Variants in GREM2 observed in about 807,000 individuals in gnomAD.
GREM2 encodes gremlin-2.
In GREM2, 11 loss-of-function variants were observed where a neutral mutation model predicts 14.2. That is an observed-to-expected ratio of 0.78 (90% CI 0.49 to 1.28). GREM2 has a LOEUF of 1.28. Among genes scored for constraint, GREM2 ranks in the 50% most tolerant of loss-of-function variants. The pLI, the probability that GREM2 is intolerant of heterozygous loss-of-function variation, is 0.00. For missense variants in GREM2, 210 were observed against 218.5 expected, an observed-to-expected ratio of 0.96 and a Z score of 0.24; for synonymous variants, 98 against 97.6, an observed-to-expected ratio of 1.00 and a Z score of -0.02.
intron 1 of GREM2, among the ~76,000 whole-genome samples, chr1:240,520,410 G>T (rs577706696): frequency 6.6e-6 from 1 of 152,322 alleles, no homozygotes; most frequent in Admixed American, 6.5e-5. Context: ...ATGGCTGAAT[G>T]AGGCTTTGGG....
intron 1 of GREM2, among the ~76,000 whole-genome samples, chr1:240,585,722 T>C (rs1369450703): frequency 1.0e-5 from 1 of 96,518 alleles, no homozygotes; most frequent in African/African-American, 4.1e-5. Context: ...AGAGAGAGAC[T>C]CCATCTCAAA....
chr1:240,525,394 G>T (rs944430171), intron 1 of GREM2, among the ~76,000 whole-genome samples: 3 of 152,130 alleles, frequency 2.0e-5, no homozygotes, highest in Non-Finnish European at 4.4e-5. Flanking sequence ...AGGGAAATGG[G>T]GAGGGCTCTA....
chr1:240,601,617 G>A (rs906899136), intron 1 of GREM2, among the ~76,000 whole-genome samples: 7 of 151,998 alleles, frequency 4.6e-5, no homozygotes, highest in Non-Finnish European at 8.8e-5. Flanking sequence ...TTAAGATATT[G>A]TGTGTTAGGC....
intron 1 of GREM2, chr1:240,531,632 TA>T (rs1258556914): frequency 1.0e-6 from 1 of 985,030 alleles, no homozygotes; most frequent in East Asian, 1.1e-4. Context: ...CTCTGCCCAT[TA>T]CCTGCAAGGC....
Position 240,542,573 on chromosome 1 carries a change from C to T in GREM2, c.-1-49097G>A, listed in dbSNP as rs1678616135. Among the ~76,000 whole-genome samples, 1 of 151,922 alleles carries T rather than the reference C, an allele frequency of 6.6e-6. No homozygotes were observed. ...GAGGTTGCAGTGAGCCAAGATTGTG[C>T]CCCTGCACTCCAGCCTAGTGACAGA... On this transcript the variant is annotated intron_variant, in intron 1 of 1. Transcript: ENST00000318160. This position sits in a 1 kb window ranked among gnomAD's most constrained non-coding sequence, Gnocchi z 4.1.
intron 1 of GREM2, among the ~76,000 whole-genome samples, chr1:240,535,798 CAAA>C (rs71170755): frequency 1.5e-5 from 2 of 130,116 alleles, no homozygotes; most frequent in East Asian, 2.2e-4. Flanking sequence ...GACTCCATCG[CAAA>C]AAAAAAAAAA....
intron 1 of GREM2, among the ~76,000 whole-genome samples, chr1:240,504,583 G>T (rs1677640993): frequency 6.6e-6 from 1 of 152,058 alleles, no homozygotes; most frequent in Non-Finnish European, 1.5e-5. Context: ...TCTTATTGTG[G>T]TATATCGCCT....
At chr1:240,529,984 T>C (rs1678315779) in intron 1 of GREM2, among the ~76,000 whole-genome samples, 1 of 152,166 alleles carries the variant, frequency 6.6e-6, no homozygotes, top group African/African-American at 2.4e-5. Context: ...TTCAGCTCTA[T>C]GTAGGAAATA....
intron 1 of GREM2, among the ~76,000 whole-genome samples, chr1:240,545,355 C>T (rs1371854855): frequency 6.6e-6 from 1 of 152,216 alleles, no homozygotes; most frequent in East Asian, 1.9e-4. Context: ...AAGCTCCACG[C>T]CTCTTCGTGC....
chr1:240,513,361 G>A (rs1406640901), intron 1 of GREM2, among the ~76,000 whole-genome samples: 1 of 152,102 alleles, frequency 6.6e-6, no homozygotes, highest in Non-Finnish European at 1.5e-5. Context: ...CGGATCGCGA[G>A]GTCAAGAGAT....
chr1:240,532,479 T>C (rs978304215), intron 1 of GREM2, among the ~76,000 whole-genome samples: 1 of 152,172 alleles, frequency 6.6e-6, no homozygotes, highest in Non-Finnish European at 1.5e-5. Flanking sequence ...AGTTATGCAA[T>C]TGGTTTTCAC....
At chr1:240,572,551 T>C (rs1291034615) in intron 1 of GREM2, among the ~76,000 whole-genome samples, 2 of 152,184 alleles carry the variant, frequency 1.3e-5, no homozygotes, top group Non-Finnish European at 1.5e-5. Flanking sequence ...ACACTCCCTG[T>C]AACTAGTCCA....
chr1:240,593,597 A>G (rs1293836869), intron 1 of GREM2, among the ~76,000 whole-genome samples: 5 of 152,218 alleles, frequency 3.3e-5, no homozygotes, highest in East Asian at 1.9e-4. Context: ...AAAGTTCTCA[A>G]TAAAAGTTGG....
chr1:240,571,145 C>T (rs986255705), intron 1 of GREM2, among the ~76,000 whole-genome samples: 1 of 152,132 alleles, frequency 6.6e-6, no homozygotes, highest in Non-Finnish European at 1.5e-5. Context: ...TGTAAAAAAA[C>T]TTCCAATTTT....
chr1:240,567,576 T>C (rs527642771), intron 1 of GREM2, among the ~76,000 whole-genome samples: 135 of 152,238 alleles, frequency 8.9e-4, no homozygotes, highest in Middle Eastern at 3.4e-3. Flanking sequence ...TTCAACAAAA[T>C]GATTTTTCTA....
intron 1 of GREM2, among the ~76,000 whole-genome samples, chr1:240,590,196 T>A (rs1310274104): frequency 6.6e-6 from 1 of 152,212 alleles, no homozygotes. Flanking sequence ...TTCATTGTGT[T>A]GTGTTCAGCC....
At position 240,603,206 on chromosome 1, in the gene GREM2, G is replaced by A. The variant is rs530664739; in HGVS notation, c.-2+8678C>T. On this transcript the variant is annotated intron_variant, in intron 1 of 1. Coordinates refer to ENST00000318160, the MANE Select transcript of GREM2 (RefSeq NM_022469.4). ...CCAGCCACACCTGATCATCAACTGC[G>A]GCCTTGAGCCATTCAATTCACTCAT... Among the ~76,000 whole-genome samples, 19 of 152,280 alleles carry A rather than the reference G, an allele frequency of 1.2e-4. No individual in the cohort carries two copies. The South Asian group carries it at 1.7e-3, about 13-fold the overall frequency.
chr1:240,524,672 T>G (rs1253915824), intron 1 of GREM2, among the ~76,000 whole-genome samples: 1 of 152,224 alleles, frequency 6.6e-6, no homozygotes, highest in African/African-American at 2.4e-5. Context: ...TAAGATAATC[T>G]ACTTGTGGTG....
At chr1:240,532,688 T>C (rs2153289) in intron 1 of GREM2, among the ~76,000 whole-genome samples, 2 of 77,300 alleles carry the variant, frequency 2.6e-5, no homozygotes, top group East Asian at 4.9e-4. Context: ...TAGATAGATA[T>C]ATGGCAAGAA....
Sources: allele counts gnomAD v4.1 joint callset (sites outside exome capture counted in the v4.1 genomes callset), GRCh38; gene constraint gnomAD v4.1.1; non-coding constraint Gnocchi (gnomAD v3.1); transcripts MANE v1.5; gene names NCBI Gene and HGNC (gene_info 2026-07-23, HGNC 2026-07-21).